TARBP2: variants seen among roughly 807,000 people sequenced by gnomAD.
TARBP2 encodes the protein TARBP2 subunit of RISC loading complex, also known as RISC-loading complex subunit TARBP2.
In TARBP2, 23 loss-of-function variants were observed where a neutral mutation model predicts 40.4. The ratio of observed to expected loss-of-function variants is 0.57; its 90% CI spans 0.41 to 0.81. The LOEUF is 0.81. Among genes scored for constraint, TARBP2 ranks in the 30% least tolerant of loss-of-function variants. The pLI is 0.00. For synonymous variants in TARBP2, 183 were observed against 190.5 expected (o/e 0.96, Z 0.32); for missense variants, 358 against 473.7 (o/e 0.76, Z 2.27).
chr12:53,505,894 A>G lies in TARBP2; in HGVS notation c.943+44A>G, dbSNP rs200747009. On this transcript the variant is annotated intron_variant, in intron 8 of 8. Transcript: ENST00000266987. The surrounding 1 kb of genome is among the most constrained non-coding windows in gnomAD (Gnocchi z 4.5). ...CGAGCCAGGGGATGGTGGGGGCTGGACCGGAGCAAGTAGAAGGGGGTGATG... is the reference window on the plus strand; with the variant it reads ...CGAGCCAGGGGATGGTGGGGGCTGGGCCGGAGCAAGTAGAAGGGGGTGATG... 62 of 1,607,886 alleles carry G rather than the reference A, an allele frequency of 3.9e-5. 1 individual carries two copies. In the African/African-American group the frequency reaches 7.2e-4, roughly 19 times the overall value.
At chr12:53,502,212 G>T (rs1943743910) in intron 2 of TARBP2, 28 bp downstream of exon 2, 1 of 1,612,624 alleles carries the variant, frequency 6.2e-7, no homozygotes, top group African/African-American at 1.3e-5. Context: ...AGCCTGGCTG[G>T]GGTGTGCATT....
At chr12:53,501,154 A>G, upstream of TARBP2, 1 of 551,772 alleles carries the variant, frequency 1.8e-6, no homozygotes, top group Non-Finnish European at 3.2e-6. Flanking sequence ...GCGACGGCGG[A>G]GGGCCCGCTC....
In TARBP2 at chr12:53,501,867, A is replaced by G. The variant is rs1943728306; in HGVS notation, c.54-148A>G. 6 of 1,371,534 alleles carry G rather than the reference A, an allele frequency of 4.4e-6. No homozygotes were observed. In the South Asian group the frequency reaches 7.2e-5, roughly 17 times the overall value. The allele number at this position is 1,371,534 out of a possible 1,614,324, so 85.0% of individuals were successfully genotyped here. A position where few individuals can be genotyped will look rare whatever the true frequency, so the allele number is the denominator to read the frequency against. ...CCCTACTTTTCCAGCCTGCACCTCC[A>G]CTTGGAACCCAGCCAATGGATGCTA... On this transcript the variant is annotated intron_variant, in intron 1 of 8. Coordinates refer to ENST00000266987, the MANE Select transcript of TARBP2 (RefSeq NM_134323.2).
chr12:53,501,660 A>G (rs550051207), intron 1 of TARBP2, 199 bp downstream of exon 1: 3 of 1,444,706 alleles, frequency 2.1e-6, no homozygotes, highest in African/African-American at 2.9e-5. Context: ...CCCGGTTCCC[A>G]GACTGCACTG....
intron 2 of TARBP2, 120 bp downstream of exon 2, chr12:53,502,304 T>G: frequency 7.5e-7 from 1 of 1,330,636 alleles, no homozygotes; most frequent in Non-Finnish European, 1.0e-6. Flanking sequence ...AGGAGAGATT[T>G]CAGGGGAAAA....
chr12:53,501,154 A>C (rs1943682334), upstream of TARBP2: 2 of 551,654 alleles, frequency 3.6e-6, no homozygotes, highest in Admixed American at 6.5e-5. Context: ...GCGACGGCGG[A>C]GGGCCCGCTC....
upstream of TARBP2, chr12:53,501,102 C>A: frequency 2.2e-6 from 1 of 445,346 alleles, no homozygotes; most frequent in Non-Finnish European, 4.1e-6. Flanking sequence ...AGGAAGGAGG[C>A]GGGACGGTAT....
rs1943981875 is a variant in TARBP2, at chr12:53,506,233, CCT to C, written c.*88_*89del. The C allele has an allele frequency of 2.7e-6, 4 of 1,487,658 alleles. No individual in the cohort carries two copies. The Admixed American group carries it at 8.1e-5, about 30-fold the overall frequency. The allele number at this position is 1,487,658 out of a possible 1,614,324, so 92.2% of individuals were successfully genotyped here. ...TCATGTATCTGCGCAGCTCTGGTAC[CCT>C]CTGTGGGTGCCATCTCTACCTCTGA... is the stretch of plus-strand genomic sequence containing the variant. On this transcript the variant is annotated 3_prime_UTR_variant, in exon 9 of 9. Transcript: ENST00000266987.
At chr12:53,501,833 G>A (rs1482348757) in intron 1 of TARBP2, 182 bp from the exon 2 acceptor site, 2 of 1,308,278 alleles carry the variant, frequency 1.5e-6, no homozygotes. Flanking sequence ...CTTGCTTTGG[G>A]GTAGTGGGCC....
intron 6 of TARBP2, 149 bp from the exon 7 acceptor site, chr12:53,504,986 T>G (rs1565901055): frequency 6.9e-7 from 1 of 1,457,326 alleles, no homozygotes; most frequent in Non-Finnish European, 9.3e-7. Context: ...CCCTTCTCTC[T>G]GGCTGACCAG....
chr12:53,504,958 C>T (rs901568108), intron 6 of TARBP2, 143 bp downstream of exon 6: 1 of 1,432,350 alleles, frequency 7.0e-7, no homozygotes, highest in African/African-American at 1.4e-5. Context: ...CTTTTAGCTT[C>T]TTGGCACCCT....
chr12:53,505,157 G>T lies in TARBP2; in HGVS notation c.636G>T (p.Leu212Phe). The T allele has an allele frequency of 6.2e-7, 1 of 1,609,738 alleles. No homozygotes were observed. The highest frequency in any genetic ancestry group is 1.1e-5 in the South Asian group (1 of 90,904). ...CAGGGAGTGGCACTTCCAAAAAATTGGCAAAGCGGAATGCGGCGGCCAAAA... is the reference window on the plus strand; with the variant it reads ...CAGGGAGTGGCACTTCCAAAAAATTTGCAAAGCGGAATGCGGCGGCCAAAA... ...IEIGSGTSKK[L>F]AKRNAAAKML... The change falls in exon 7 of 9, where the codon TTG becomes TTT. Residue 212 changes from leucine to phenylalanine, a missense_variant. Coordinates refer to ENST00000266987, the MANE Select transcript of TARBP2 (RefSeq NM_134323.2). This position sits in a 1 kb window ranked among gnomAD's most constrained non-coding sequence, Gnocchi z 4.5.
At position 53,505,230 on chromosome 12, in the gene TARBP2, G is replaced by T; in HGVS notation, c.709G>T (p.Glu237Ter). The T allele has an allele frequency of 6.2e-7, 1 of 1,608,996 alleles. No homozygotes were observed. Among genetic ancestry groups the T allele is most frequent in the Non-Finnish European group, 8.5e-7 (1 of 1,175,768 alleles). ...GCCTCTGGATGCCCGGGATGGCAAT[G>T]AGGTGGAGCCTGATGATGACCACTT... ...TVPLDARDGN[E>*]VEPDDDHFSI... Residue 237 changes from glutamate to a stop codon, truncating the protein, a stop_gained, in exon 7 of 9, where the codon GAG becomes TAG. Transcript: ENST00000266987. LOFTEE classifies it high-confidence loss of function. The surrounding 1 kb of genome is among the most constrained non-coding windows in gnomAD (Gnocchi z 4.5).
Position 53,505,498 on chromosome 12 carries a change from G to A in TARBP2, c.742-151G>A. 1 of 1,052,108 alleles carries A rather than the reference G, an allele frequency of 9.5e-7. No homozygotes were observed. 65.2% of individuals were successfully genotyped at this position (1,052,108 alleles called of 1,614,324 possible). A position where few individuals can be genotyped will look rare whatever the true frequency, so the allele number is the denominator to read the frequency against. On this transcript the variant is annotated intron_variant, in intron 7 of 8. Coordinates refer to ENST00000266987, the MANE Select transcript of TARBP2 (RefSeq NM_134323.2). This position sits in a 1 kb window ranked among gnomAD's most constrained non-coding sequence, Gnocchi z 4.5. ...CCCTGGCCATCTGGCCCAGGGCCTG[G>A]TAGTTAGAAGGGGCCACCCAGGGAT...
Position 53,505,232 on chromosome 12 carries a change from G to T in TARBP2, c.711G>T (p.Glu237Asp). Residue 237 changes from glutamate to aspartate, a missense_variant, in exon 7 of 9, where the codon GAG becomes GAT. Physicochemically the swap from Glu to Asp is conservative, Grantham distance 45. This residue lies in a region of TARBP2 where 317 missense variants were observed against 422.9 expected (regional missense o/e 0.75). Coordinates refer to ENST00000266987, the MANE Select transcript of TARBP2 (RefSeq NM_134323.2). The surrounding 1 kb of genome is among the most constrained non-coding windows in gnomAD (Gnocchi z 4.5). ...CTCTGGATGCCCGGGATGGCAATGA[G>T]GTGGAGCCTGATGATGACCACTTCT... ...TVPLDARDGN[E>D]VEPDDDHFSI... is the part of the protein sequence containing the mutation. 6.2e-7 allele frequency: 1 copy of T among 1,605,794 alleles called. No homozygotes were observed. The highest frequency in any genetic ancestry group is 8.5e-7 in the Non-Finnish European group (1 of 1,173,198).
At chr12:53,502,947 C>A in intron 2 of TARBP2, 80 bp from the exon 3 acceptor site, 1 of 1,422,054 alleles carries the variant, frequency 7.0e-7, no homozygotes, top group South Asian at 1.4e-5. Context: ...CCTCTGGCTA[C>A]GAGGAGAGAG....
intron 2 of TARBP2, 161 bp downstream of exon 2, chr12:53,502,345 T>A (rs1943751386): frequency 3.1e-6 from 3 of 979,938 alleles, no homozygotes; most frequent in Non-Finnish European, 4.4e-6. Context: ...AACAGGGCTG[T>A]AAGAAGGTGG....
In TARBP2 at chr12:53,502,051, C is replaced by G. The variant is rs758015411; in HGVS notation, c.90C>G (p.Thr30=). 1.9e-6 allele frequency: 3 copies of G among 1,614,062 alleles called. No individual in the cohort carries two copies. Among genetic ancestry groups the G allele is most frequent in the Non-Finnish European group, 2.5e-6 (3 of 1,180,044 alleles). Residue 30 remains threonine, a synonymous_variant, in exon 2 of 9, where the codon ACC becomes ACG. Coordinates refer to ENST00000266987, the MANE Select transcript of TARBP2 (RefSeq NM_134323.2). ...EQMLAANPGK[T]PISLLQEYGT... is the part of the protein sequence containing the mutation. ...TGCTGGCCGCCAACCCAGGCAAGAC[C>G]CCGATCAGCCTTCTGCAGGAGTATG...
rs1943698874 is a variant in TARBP2, at chr12:53,501,457, C to T, written c.49C>T (p.Pro17Ser). 2.6e-6 allele frequency: 4 copies of T among 1,567,302 alleles called. No individual in the cohort carries two copies. The highest frequency in any genetic ancestry group is 2.6e-6 in the Non-Finnish European group (3 of 1,155,882). ...CGGCACTACCACGGGCTGCGGGCTG[C>T]CTAGGTGAGCCGTCTCGTACCGATT... ...GSGTTTGCGL[P>S]SIEQMLAANP... Residue 17 changes from proline to serine, a missense_variant, in exon 1 of 9, where the codon CCT (proline) becomes TCT (serine). Pro to Ser is a moderately conservative substitution (Grantham distance 74). Transcript: ENST00000266987.
Sources: allele counts gnomAD v4.1 joint callset, GRCh38; gene constraint gnomAD v4.1.1; regional missense constraint gnomAD v4.1.1; non-coding constraint Gnocchi (gnomAD v3.1); transcripts MANE v1.5; gene names NCBI Gene and HGNC (gene_info 2026-07-23, HGNC 2026-07-21).